Variants in LHFPL3 observed in about 807,000 individuals in gnomAD.
LHFPL3 encodes LHFPL tetraspan subfamily member 3 protein.
In LHFPL3, 5 loss-of-function variants were observed where a neutral mutation model predicts 19.3. The observed-to-expected ratio is 0.26, with a 90% CI of 0.14 to 0.54. The LOEUF (loss-of-function observed/expected upper bound fraction) is 0.54, where lower values mean the gene tolerates loss of function less well. LHFPL3 is among the 20% of genes least tolerant of loss of function. The pLI is 0.94. For synonymous variants in LHFPL3, 133 were observed against 126.2 expected, an observed-to-expected ratio of 1.05 and a Z score of -0.36; for missense variants, 249 against 307.4, an observed-to-expected ratio of 0.81 and a Z score of 1.42.
intron 1 of LHFPL3, among the ~76,000 whole-genome samples, chr7:104,333,669 G>C (rs1208307854): frequency 6.6e-6 from 1 of 152,168 alleles, no homozygotes; most frequent in Non-Finnish European, 1.5e-5. Context: ...AATCACCAAA[G>C]GTAATCACTA....
chr7:104,473,998 A>G (rs867639464), intron 1 of LHFPL3, among the ~76,000 whole-genome samples: 16 of 152,272 alleles, frequency 1.1e-4, no homozygotes, highest in African/African-American at 2.9e-4. Context: ...CATGTCCTCA[A>G]TGTGTATTAT....
chr7:104,411,949 G>A (rs1186068235), intron 1 of LHFPL3, among the ~76,000 whole-genome samples: 1 of 152,086 alleles, frequency 6.6e-6, no homozygotes, highest in Non-Finnish European at 1.5e-5. Context: ...AGTTTTCCTT[G>A]CAAATCTCCC....
At chr7:104,699,891 G>A (rs950953657) in intron 1 of LHFPL3, among the ~76,000 whole-genome samples, 8 of 152,240 alleles carry the variant, frequency 5.3e-5, no homozygotes, top group Admixed American at 3.3e-4. Context: ...TCTGTAATCC[G>A]TTCTGTCAGG....
At chr7:104,396,534 A>C (rs970370757) in intron 1 of LHFPL3, among the ~76,000 whole-genome samples, 6 of 151,862 alleles carry the variant, frequency 4.0e-5, no homozygotes, top group Admixed American at 2.6e-4. Flanking sequence ...AGAATATTGA[A>C]GGTGCATCAG....
At chr7:104,759,884 A>G (rs920275623) in intron 2 of LHFPL3, 1 of 152,050 alleles carries the variant, frequency 6.6e-6, no homozygotes, top group Non-Finnish European at 1.5e-5. Flanking sequence ...AGGCATGCCA[A>G]AGACTTGCCA....
At chr7:104,431,202 G>A (rs60142700) in intron 1 of LHFPL3, among the ~76,000 whole-genome samples, 17,347 of 151,788 alleles carry the variant, frequency 0.11, 1,153 homozygotes, top group African/African-American at 0.18. Context: ...ATCTACTTTA[G>A]CCCCTACTGC....
chr7:104,571,832 G>A (rs568186467), intron 1 of LHFPL3, among the ~76,000 whole-genome samples: 1 of 152,148 alleles, frequency 6.6e-6, no homozygotes, highest in Admixed American at 6.5e-5. Flanking sequence ...GAGGAACAGA[G>A]TTCAGAATAT....
chr7:104,734,672 T>C (rs1390424039), intron 1 of LHFPL3, among the ~76,000 whole-genome samples: 1 of 152,214 alleles, frequency 6.6e-6, no homozygotes. Flanking sequence ...AAACTTCCTC[T>C]TTAGCTCGGA....
chr7:104,562,503 G>C (rs962964859), intron 1 of LHFPL3, among the ~76,000 whole-genome samples: 3 of 151,960 alleles, frequency 2.0e-5, no homozygotes, highest in Admixed American at 2.0e-4. Context: ...CATTCTTCAC[G>C]TAGTTCTGGA....
intron 1 of LHFPL3, among the ~76,000 whole-genome samples, chr7:104,443,374 T>TCCA (rs1197307477): frequency 3.9e-5 from 6 of 152,312 alleles, no homozygotes; most frequent in African/African-American, 1.2e-4. Context: ...AGTGCATGGA[T>TCCA]GTTTGGCCTT....
chr7:104,440,726 G>T (rs926296751), intron 1 of LHFPL3, among the ~76,000 whole-genome samples: 1 of 152,134 alleles, frequency 6.6e-6, no homozygotes, highest in Non-Finnish European at 1.5e-5. Flanking sequence ...CATAGATTAC[G>T]TAAATCAACC....
chr7:104,618,868 A>G (rs1791394303), intron 1 of LHFPL3, among the ~76,000 whole-genome samples: 1 of 152,218 alleles, frequency 6.6e-6, no homozygotes, highest in Non-Finnish European at 1.5e-5. Flanking sequence ...GTACCCTGCC[A>G]TATATTTTAA....
chr7:104,683,680 A>G (rs1792753290), intron 1 of LHFPL3, among the ~76,000 whole-genome samples: 1 of 152,222 alleles, frequency 6.6e-6, no homozygotes, highest in African/African-American at 2.4e-5. Flanking sequence ...AGGCAGTATA[A>G]TGATGGCTCC....
intron 1 of LHFPL3, among the ~76,000 whole-genome samples, chr7:104,595,117 G>C (rs1361576670): frequency 6.6e-6 from 1 of 152,176 alleles, no homozygotes; most frequent in Non-Finnish European, 1.5e-5. Flanking sequence ...AGGAGAAGAG[G>C]CACTCTGATT....
chr7:104,337,836 C>T (rs575555279), intron 1 of LHFPL3, among the ~76,000 whole-genome samples: 2 of 152,054 alleles, frequency 1.3e-5, no homozygotes, highest in Non-Finnish European at 2.9e-5. Context: ...TGTGTGATGC[C>T]AAATATGAGC....
intron 1 of LHFPL3, among the ~76,000 whole-genome samples, chr7:104,607,599 T>A (rs1173292037): frequency 1.3e-5 from 2 of 152,192 alleles, no homozygotes; most frequent in African/African-American, 4.8e-5. Context: ...AAGGACTTCA[T>A]GTCTAAAACA....
At chr7:104,714,158 T>C (rs1793344454) in intron 1 of LHFPL3, among the ~76,000 whole-genome samples, 2 of 152,242 alleles carry the variant, frequency 1.3e-5, no homozygotes, top group Non-Finnish European at 1.5e-5. Context: ...GACAGAACAC[T>C]TAGTACACTG....
chr7:104,532,449 C>G (rs149179114), intron 1 of LHFPL3, among the ~76,000 whole-genome samples: 1 of 151,858 alleles, frequency 6.6e-6, no homozygotes, highest in African/African-American at 2.4e-5. Flanking sequence ...GCATGAGCCA[C>G]TGTGCCCTGC....
At chr7:104,408,864 C>CTTTTTTTTTTTT (rs561975535) in intron 1 of LHFPL3, among the ~76,000 whole-genome samples, 3,299 of 104,972 alleles carry the variant, frequency 0.031, 339 homozygotes, top group African/African-American at 0.05. Context: ...AATTTTCTTT[C>CTTTTTTTTTTTT]TTTTTTTTTT....
Sources: gnomAD v4.1 joint callset for allele counts (sites outside exome capture counted in the v4.1 genomes callset) on GRCh38, gnomAD v4.1.1 for gene constraint, MANE v1.5 for transcripts, NCBI Gene and HGNC (gene_info 2026-07-23, HGNC 2026-07-21) for gene names.